The following PLAU variants were observed in gnomAD, a reference collection of about 807,000 sequenced individuals.
The protein encoded by PLAU is urokinase-type plasminogen activator.
Under a neutral mutation model 48.9 loss-of-function variants are expected in PLAU, and 32 were observed. That is an observed-to-expected ratio of 0.65 (90% CI 0.49 to 0.88). The LOEUF is 0.88. Among genes scored for constraint, PLAU ranks in the 40% least tolerant of loss-of-function variants. PLAU has a pLI of 0.00. For missense variants in PLAU, 455 were observed against 545.2 expected (o/e 0.83, Z 1.65); for synonymous variants, 199 against 205.7 (o/e 0.97, Z 0.28).
intron 1 of PLAU, 117 bp from the exon 2 acceptor site, chr10:73,911,408 G>GGAGA (rs1299104410): frequency 9.2e-7 from 1 of 1,083,918 alleles, no homozygotes; most frequent in African/African-American, 1.6e-5. Context: ...AGCCCAGAGA[G>GGAGA]GAGAGAGACA....
chr10:73,914,797 A>G lies in PLAU; in HGVS notation c.851A>G (p.Lys284Arg), dbSNP rs1359799162. Residue 284 changes from lysine to arginine, a missense_variant, in exon 9 of 11, where the codon AAG becomes AGG. Transcript: ENST00000372764. ...CCAGCCTTGCTGAAGATCCGTTCCA[A>G]GGAGGGCAGGTGTGCGCAGCCATCC... ...NDIALLKIRS[K>R]EGRCAQPSRT... is the part of the protein sequence containing the mutation. 1.2e-6 allele frequency: 2 copies of G among 1,614,034 alleles called. No individual in the cohort carries two copies. The highest frequency in any genetic ancestry group is 2.2e-5 in the South Asian group (2 of 91,068).
chr10:73,910,688 C>G (rs943214476), upstream of PLAU: 1 of 152,170 alleles, frequency 6.6e-6, no homozygotes, highest in Non-Finnish European at 1.5e-5. Context: ...GTACATTTGT[C>G]GCGTTGATGA....
chr10:73,911,513 C>T lies in PLAU; in HGVS notation c.-31-12C>T. On this transcript the variant is annotated splice_polypyrimidine_tract_variant and intron_variant, in intron 1 of 10. Transcript: ENST00000372764. Reference sequence around the variant, plus strand: ...CCTCCGCCTCTTGCCCTGACTTCTCCTTCCTTTGCAGAGCCGCCGTCTAGC... The same window carrying T: ...CCTCCGCCTCTTGCCCTGACTTCTCTTTCCTTTGCAGAGCCGCCGTCTAGC... The T allele has an allele frequency of 2.5e-6, 4 of 1,602,766 alleles. No individual in the cohort carries two copies. The highest frequency in any genetic ancestry group is 3.4e-6 in the Non-Finnish European group (4 of 1,177,776).
upstream of PLAU, among the ~76,000 whole-genome samples, chr10:73,908,839 C>T (rs1159151813): frequency 7.9e-6 from 1 of 126,920 alleles, no homozygotes; most frequent in Non-Finnish European, 1.6e-5. Context: ...GCCTGGGTGA[C>T]AGACCGAGAC....
In PLAU at chr10:73,912,048, A is replaced by G. The variant is rs934075837; in HGVS notation, c.65A>G (p.Asn22Ser). The G allele has an allele frequency of 6.2e-6, 10 of 1,611,280 alleles. No homozygotes were observed. Among genetic ancestry groups the G allele is most frequent in the Non-Finnish European group, 8.5e-6 (10 of 1,178,262 alleles). Residue 22 changes from asparagine (N) to serine (S), a missense_variant, in exon 3 of 11, where the codon AAT becomes AGT. Coordinates refer to ENST00000372764, the MANE Select transcript of PLAU (RefSeq NM_002658.6). ...CTCCCGAATCTCTTCCAGGGCAGCAATGAACTTCATCAAGTTCCATGTGAG... is the reference window on the plus strand; with the variant it reads ...CTCCCGAATCTCTTCCAGGGCAGCAGTGAACTTCATCAAGTTCCATGTGAG... ...VLVVSDSKGS[N>S]ELHQVPSNCD...
chr10:73,916,761 C>T lies in PLAU; in HGVS notation c.*196C>T, dbSNP rs1466334067. ...GGCCTGGGTGCTGGCTGCCCAGACC[C>T]CTCTGGCCAGGATGGAGGGGTGGTC... is the stretch of plus-strand genomic sequence containing the variant. On this transcript the variant is annotated 3_prime_UTR_variant, in exon 11 of 11. Transcript: ENST00000372764. The T allele has an allele frequency of 8.6e-6, 5 of 583,838 alleles. No homozygotes were observed. Among genetic ancestry groups the T allele is most frequent in the Admixed American group, 3.1e-5 (1 of 31,934 alleles). The allele number at this position is 583,838 out of a possible 1,614,324, so 36.2% of individuals were successfully genotyped here.
rs2227581 is a variant in PLAU at position 73,912,117 on chromosome 10, G to A, written c.85+49G>A. ...TTGGCTGCACAGACAAGTTGGGAAG[G>A]CTTCAGGGGACATCCCCTCCCTGCC... On this transcript the variant is annotated intron_variant, in intron 3 of 10. Coordinates refer to ENST00000372764, the MANE Select transcript of PLAU (RefSeq NM_002658.6). 0.078 allele frequency: 125,875 copies of A among 1,605,330 alleles called. 5,674 individuals carry two copies. Among genetic ancestry groups the A allele is most frequent in the Non-Finnish European group, 0.09 (105,568 of 1,174,366 alleles).
In PLAU at chr10:73,912,911, T is replaced by TG. The variant is rs749511125; in HGVS notation, c.194-12dup. ...TCTTTCTCATATTCTCTCATCCTCCTGTCCCCTTGTAGATAAGTCAAAAAC... is the reference window on the plus strand; with the variant it reads ...TCTTTCTCATATTCTCTCATCCTCCTGGTCCCCTTGTAGATAAGTCAAAAAC... On this transcript the variant is annotated splice_polypyrimidine_tract_variant and intron_variant, in intron 4 of 10. Transcript: ENST00000372764. The TG allele has an allele frequency of 6.3e-7, 1 of 1,585,610 alleles. No individual in the cohort carries two copies. Among genetic ancestry groups the TG allele is most frequent in the Non-Finnish European group, 8.6e-7 (1 of 1,164,854 alleles).
chr10:73,911,740 G>A, intron 2 of PLAU, 128 bp downstream of exon 2: 2 of 1,554,500 alleles, frequency 1.3e-6, no homozygotes, highest in Non-Finnish European at 1.7e-6. Context: ...CTCTCCCCAG[G>A]AAATGGGACA....
intron 2 of PLAU, chr10:73,911,814 G>A (rs2136185631): frequency 6.4e-7 from 1 of 1,551,786 alleles, no homozygotes. Flanking sequence ...GGAAGAGGCC[G>A]CCGGGACTGC....
At chr10:73,913,470 T>G in intron 6 of PLAU, 69 bp from the exon 7 acceptor site, 1 of 1,550,358 alleles carries the variant, frequency 6.5e-7, no homozygotes, top group Non-Finnish European at 8.9e-7. Context: ...ACTGAGGAGG[T>G]GGGGGGTGCC....
chr10:73,912,163 A>T, intron 3 of PLAU, 52 bp from the exon 4 acceptor site: 2 of 1,613,498 alleles, frequency 1.2e-6, no homozygotes, highest in Non-Finnish European at 1.7e-6. Flanking sequence ...GGGCTGCGCC[A>T]CCCCTTACCA....
chr10:73,915,945 G>GA (rs757531372), intron 10 of PLAU, among the ~76,000 whole-genome samples: 12 of 152,090 alleles, frequency 7.9e-5, no homozygotes, highest in Non-Finnish European at 1.5e-4. Context: ...TGATGTGGTA[G>GA]AAAATGGGGC....
chr10:73,914,273 A>C (rs963988743), intron 8 of PLAU, 145 bp downstream of exon 8: 1 of 730,698 alleles, frequency 1.4e-6, no homozygotes, highest in African/African-American at 1.8e-5. Flanking sequence ...TGACAAAGGG[A>C]GTGGCAGGGA....
intron 10 of PLAU, 139 bp from the exon 11 acceptor site, chr10:73,916,249 GA>G: frequency 2.6e-6 from 2 of 770,190 alleles, no homozygotes; most frequent in Non-Finnish European, 4.3e-6. Context: ...TCCTCCCCCC[GA>G]AAAAAAGAAA....
At chr10:73,909,590 G>A (rs763624193), upstream of PLAU, among the ~76,000 whole-genome samples, 1 of 152,188 alleles carries the variant, frequency 6.6e-6, no homozygotes, top group East Asian at 1.9e-4. Context: ...GCAGAGCAAA[G>A]GAGCCTTCCT....
At position 73,913,714 on chromosome 10, in the gene PLAU, C is replaced by A; in HGVS notation, c.636C>A (p.Ser212Arg). The change falls in exon 7 of 11, where the codon AGC (serine) becomes AGA (arginine). Residue 212 changes from serine to arginine, a missense_variant. Physicochemically the swap from Ser to Arg is moderately radical, Grantham distance 110. Coordinates refer to ENST00000372764, the MANE Select transcript of PLAU (RefSeq NM_002658.6). ...CTGTCACCTACGTGTGTGGAGGCAG[C>A]CTCATCAGCCCTTGCTGGGTGATCA... ...GGSVTYVCGG[S>R]LISPCWVISA... The A allele has an allele frequency of 6.2e-7, 1 of 1,611,708 alleles. No homozygotes were observed. Among genetic ancestry groups the A allele is most frequent in the Non-Finnish European group, 8.5e-7 (1 of 1,178,890 alleles).
At chr10:73,911,830 C>T (rs771501787) in intron 2 of PLAU, 1 of 1,552,026 alleles carries the variant, frequency 6.4e-7, no homozygotes, top group African/African-American at 1.4e-5. Flanking sequence ...ACTGCCCCAG[C>T]CTGCGGGCAT....
In PLAU at chr10:73,913,378, G is replaced by T. The variant is rs2096129086; in HGVS notation, c.457G>T (p.Asp153Tyr). The T allele has an allele frequency of 1.2e-6, 2 of 1,613,534 alleles. No individual in the cohort carries two copies. Among genetic ancestry groups the T allele is most frequent in the Non-Finnish European group, 1.7e-6 (2 of 1,179,442 alleles). Residue 153 changes from aspartate to tyrosine, a missense_variant, in exon 6 of 11, where the codon GAT (aspartate) becomes TAT (tyrosine). Coordinates refer to ENST00000372764, the MANE Select transcript of PLAU (RefSeq NM_002658.6). ...AGAGTGCATGGTGCATGACTGCGCA[G>T]ATGGTGAGCATCACTGACCTGCTGA... ...VQECMVHDCA[D>Y]GKKPSSPPEE...
Sources: gnomAD v4.1 joint callset for allele counts (sites outside exome capture counted in the v4.1 genomes callset) on GRCh38, gnomAD v4.1.1 for gene constraint, MANE v1.5 for transcripts, NCBI Gene and HGNC (gene_info 2026-07-23, HGNC 2026-07-21) for gene names.